KDM4B: variants seen among roughly 807,000 people sequenced by gnomAD.
KDM4B encodes lysine-specific demethylase 4B.
A neutral mutation model predicts 125.2 loss-of-function variants in KDM4B; 32 were observed. The observed-to-expected ratio is 0.26, with a 90% CI of 0.19 to 0.34. The LOEUF is 0.34. Among genes scored for constraint, KDM4B ranks in the 10% least tolerant of loss-of-function variants. The pLI, the probability that KDM4B is intolerant of heterozygous loss-of-function variation, is 1.00. For missense variants in KDM4B, 1,190 were observed against 1,577.7 expected, an observed-to-expected ratio of 0.75 and a Z score of 4.16; for synonymous variants, 721 against 677.9, an observed-to-expected ratio of 1.06 and a Z score of -0.99.
chr19:5,023,437 T>C (rs1052263476), intron 2 of KDM4B, among the ~76,000 whole-genome samples: 4 of 152,228 alleles, frequency 2.6e-5, no homozygotes, highest in African/African-American at 9.6e-5. Context: ...GCTGCCTCTG[T>C]GGCCAGGTTT....
chr19:4,975,985 C>T (rs938147555), intron 1 of KDM4B, among the ~76,000 whole-genome samples: 2 of 151,278 alleles, frequency 1.3e-5, no homozygotes, highest in African/African-American at 4.9e-5. Context: ...TGCGGTGGCT[C>T]ACGCCTGTAA....
rs764846218 is a variant in KDM4B, at chr19:5,144,095, C to T, written c.2679C>T (p.Asp893=). Residue 893 remains aspartate (D), a synonymous_variant, in exon 19 of 23, where the codon GAC becomes GAT. Transcript: ENST00000159111. ...CCGCAGGCGTGCTCATGGAGCCGGA[C>T]GACTGGCCCTATGTGGTCTCCATCA... is the stretch of plus-strand genomic sequence containing the variant. ...AHAAGVLMEP[D]DWPYVVSITC... The T allele has an allele frequency of 6.2e-6, 10 of 1,604,940 alleles. No homozygotes were observed. Among genetic ancestry groups the T allele is most frequent in the South Asian group, 3.3e-5 (3 of 90,940 alleles).
chr19:5,135,943 C>G (rs530467135), intron 15 of KDM4B, among the ~76,000 whole-genome samples: 1 of 152,356 alleles, frequency 6.6e-6, no homozygotes, highest in Admixed American at 6.5e-5. Flanking sequence ...CTGGGCTCAT[C>G]CCACCCTGTC....
rs866284818 is a variant in KDM4B at position 5,082,962 on chromosome 19, G to A, written c.918+458G>A. ...CTTGGCCAGGCAGGAGCCCACTCAG[G>A]CATCTGCCCCCCTCCCTCCCTGCTC... On this transcript the variant is annotated intron_variant, in intron 9 of 22. Transcript: ENST00000159111. This position sits in a 1 kb window ranked among gnomAD's most constrained non-coding sequence, Gnocchi z 5.4. Among the ~76,000 whole-genome samples the A allele has an allele frequency of 1.3e-5, 2 of 152,298 alleles. No individual in the cohort carries two copies. Among genetic ancestry groups the A allele is most frequent in the African/African-American group, 2.4e-5 (1 of 41,566 alleles).
intron 1 of KDM4B, among the ~76,000 whole-genome samples, chr19:4,985,379 C>T (rs540601928): frequency 2.6e-5 from 4 of 152,290 alleles, no homozygotes; most frequent in South Asian, 2.1e-4. Flanking sequence ...TACAAGCTGC[C>T]GTCATCTCCA....
intron 6 of KDM4B, among the ~76,000 whole-genome samples, chr19:5,048,287 G>T (rs112843040): frequency 3.2e-4 from 48 of 152,326 alleles, no homozygotes; most frequent in African/African-American, 1.0e-3. Flanking sequence ...GCCGTGTGGG[G>T]GTGTGTGTGA....
chr19:5,007,835 G>C (rs1018436898), intron 1 of KDM4B, among the ~76,000 whole-genome samples: 5 of 152,144 alleles, frequency 3.3e-5, no homozygotes, highest in African/African-American at 1.2e-4. Context: ...TTATAGACAT[G>C]AGCTGCCATG....
chr19:5,018,935 T>C (rs1599425281), intron 2 of KDM4B, among the ~76,000 whole-genome samples: 2 of 152,248 alleles, frequency 1.3e-5, no homozygotes, highest in South Asian at 4.1e-4. Flanking sequence ...CTGTGTGTGG[T>C]GCCGGGCGAC....
intron 2 of KDM4B, among the ~76,000 whole-genome samples, chr19:5,020,102 T>G (rs1240701564): frequency 2.1e-5 from 3 of 141,448 alleles, no homozygotes; most frequent in Non-Finnish European, 4.6e-5. Context: ...TGTGCAGGTG[T>G]TAGTGTGCAG....
intron 9 of KDM4B, among the ~76,000 whole-genome samples, chr19:5,108,770 GA>G (rs1271047343): frequency 2.6e-5 from 4 of 152,234 alleles, no homozygotes; most frequent in Admixed American, 6.5e-5. Flanking sequence ...TGGAGAGGCA[GA>G]AAGTTCCCTG....
rs556546962 is a variant in KDM4B, at chr19:5,128,751, C to T, written c.1316-2325C>T. Reference sequence around the variant, plus strand: ...GGAGGGGGTGCCTCCCCTCTGGCATCGGCAGGGAAAAAGTATTTCTTCCCA... The same window carrying T: ...GGAGGGGGTGCCTCCCCTCTGGCATTGGCAGGGAAAAAGTATTTCTTCCCA... On this transcript the variant is annotated intron_variant, in intron 11 of 22. Transcript: ENST00000159111. Among the ~76,000 whole-genome samples, 88 of 95,554 alleles carry T rather than the reference C, an allele frequency of 9.2e-4. 1 individual carries two copies. In the South Asian group the frequency reaches 9.6e-3, roughly 10 times the overall value. The allele number at this position is 95,554 out of a possible 152,430, so 62.7% of individuals were successfully genotyped here.
In KDM4B at chr19:5,045,907, G is replaced by A. The variant is rs542052597; in HGVS notation, c.433-1569G>A. Among the ~76,000 whole-genome samples the A allele has an allele frequency of 2.4e-4, 36 of 152,332 alleles. 1 individual carries two copies. In the South Asian group the frequency reaches 5.8e-3, roughly 25 times the overall value. On this transcript the variant is annotated intron_variant, in intron 5 of 22. Transcript: ENST00000159111. ...TTACAGGCGTGAGCTACCGCGCCTG[G>A]CCATCTTTTTCTGTTTTTTAACCAT... is the stretch of plus-strand genomic sequence containing the variant.
At chr19:5,011,433 C>T (rs572490336) in intron 1 of KDM4B, among the ~76,000 whole-genome samples, 1 of 152,332 alleles carries the variant, frequency 6.6e-6, no homozygotes, top group South Asian at 2.1e-4. Context: ...ATGTCGTGGG[C>T]CCATCTGAGG....
chr19:5,119,985 G>A (rs1027234489), intron 11 of KDM4B, 133 bp downstream of exon 11: 2 of 1,174,390 alleles, frequency 1.7e-6, no homozygotes, highest in Non-Finnish European at 2.3e-6. Context: ...TTCTTGCCAG[G>A]GTGGGGCATT....
chr19:5,144,925 G>C, intron 21 of KDM4B, 23 bp downstream of exon 21: 1 of 1,612,546 alleles, frequency 6.2e-7, no homozygotes, highest in East Asian at 2.2e-5. Context: ...TCTGGCAGCC[G>C]CGCCATGCCT....
At chr19:5,012,376 A>G (rs935633384) in intron 1 of KDM4B, among the ~76,000 whole-genome samples, 2 of 152,186 alleles carry the variant, frequency 1.3e-5, no homozygotes, top group African/African-American at 4.8e-5. Context: ...CACGTTGTTA[A>G]TGACACTTCC....
chr19:5,077,679 G>GGGGT, intron 8 of KDM4B: 1 of 557,038 alleles, frequency 1.8e-6, no homozygotes, highest in South Asian at 2.2e-5. Context: ...TGAATCTGGC[G>GGGGT]GGGTGTTAAC....
intron 2 of KDM4B, among the ~76,000 whole-genome samples, chr19:5,020,222 A>G (rs1479571242): frequency 2.5e-5 from 3 of 118,820 alleles, no homozygotes; most frequent in South Asian, 2.8e-4. Context: ...TGCAGGTGTT[A>G]GTGTGCAGGT....
rs1336159824 is a variant in KDM4B, at chr19:4,971,917, G to A, written c.-109+2687G>A. Among the ~76,000 whole-genome samples, 2 of 149,010 alleles carry A rather than the reference G, an allele frequency of 1.3e-5. No homozygotes were observed. The highest frequency in any genetic ancestry group is 4.9e-5 in the African/African-American group (2 of 40,652). On this transcript the variant is annotated intron_variant, in intron 1 of 22. Transcript: ENST00000159111. The surrounding 1 kb of genome is among the most constrained non-coding windows in gnomAD (Gnocchi z 4.1). ...TTTCGGAGCCCACTGGGCAGGAGGG[G>A]ACGGAGAGCAGATGAACAGGGTGGG...
Sources: gnomAD v4.1 joint callset for allele counts (sites outside exome capture counted in the v4.1 genomes callset) on GRCh38, gnomAD v4.1.1 for gene constraint, Gnocchi (gnomAD v3.1) non-coding constraint, MANE v1.5 for transcripts, NCBI Gene and HGNC (gene_info 2026-07-23, HGNC 2026-07-21) for gene names.